Variants in MOB4 observed in about 807,000 individuals in gnomAD.
The protein encoded by MOB4 is MOB family member 4, phocein.
MOB4 carries 4 observed loss-of-function variants against 32.2 expected under a neutral mutation model. That is an observed-to-expected ratio of 0.12 (90% CI 0.06 to 0.28). The LOEUF (loss-of-function observed/expected upper bound fraction) is 0.28, where lower values mean the gene tolerates loss of function less well. Ranked by LOEUF, MOB4 falls within the 10% of genes least tolerant of loss-of-function variation. The pLI is 1.00. For synonymous variants in MOB4, 88 were observed against 88.1 expected, an observed-to-expected ratio of 1.00 and a Z score of 0.01; for missense variants, 158 against 271.2, an observed-to-expected ratio of 0.58 and a Z score of 2.93.
rs550312239 is a variant in MOB4, at chr2:197,529,184, G to A, written c.123+5498G>A. On this transcript the variant is annotated intron_variant, in intron 2 of 7. Transcript: ENST00000323303. ...GTACAGACAGGGTTTCACCATGTTG[G>A]TCAAGCTGGTCTTGAACTCTTGACT... Among the ~76,000 whole-genome samples the A allele has an allele frequency of 4.0e-5, 6 of 151,816 alleles. No individual in the cohort carries two copies. The East Asian group carries it at 1.2e-3, about 30-fold the overall frequency.
At chr2:197,518,509 G>A (rs768042819) in intron 1 of MOB4, among the ~76,000 whole-genome samples, 8 of 150,844 alleles carry the variant, frequency 5.3e-5, no homozygotes, top group Admixed American at 2.0e-4. Flanking sequence ...TGATCTGCCC[G>A]CCTGGGCCTC....
At chr2:197,529,493 A>C (rs1371715937) in intron 2 of MOB4, among the ~76,000 whole-genome samples, 1 of 151,874 alleles carries the variant, frequency 6.6e-6, no homozygotes, top group African/African-American at 2.4e-5. Context: ...CTGGGACTAC[A>C]GGTGCATGCC....
At chr2:197,533,989 C>A (rs1375734170) in intron 2 of MOB4, 2 of 521,496 alleles carry the variant, frequency 3.8e-6, no homozygotes, top group East Asian at 9.4e-5. Flanking sequence ...TGAGATGGCA[C>A]ACATACTTAA....
rs142736190 is a variant in MOB4 at position 197,534,961 on chromosome 2, T to C, written c.124-569T>C. Reference sequence around the variant, plus strand: ...TACACCAGTACAAATCTATTTCCTGTCTCAATAGATTTTCTTACTCTAGAC... The same window carrying C: ...TACACCAGTACAAATCTATTTCCTGCCTCAATAGATTTTCTTACTCTAGAC... On this transcript the variant is annotated intron_variant, in intron 2 of 7. Coordinates refer to ENST00000323303, the MANE Select transcript of MOB4 (RefSeq NM_015387.5). Among the ~76,000 whole-genome samples, 564 of 152,304 alleles carry C rather than the reference T, an allele frequency of 3.7e-3. 4 individuals are homozygous for C. Among genetic ancestry groups the C allele is most frequent in the Non-Finnish European group, 5.2e-3 (356 of 68,032 alleles).
intron 2 of MOB4, chr2:197,533,747 GT>G: frequency 1.8e-5 from 4 of 218,386 alleles, no homozygotes; most frequent in Admixed American, 5.7e-5. Flanking sequence ...AAAAAAAAAA[GT>G]ATTTGATCCC....
chr2:197,543,491 A>G (rs967610139), intron 5 of MOB4, among the ~76,000 whole-genome samples: 1 of 152,150 alleles, frequency 6.6e-6, no homozygotes, highest in Admixed American at 6.5e-5. Flanking sequence ...AAAATGTAGC[A>G]TGGACATACA....
At chr2:197,542,988 G>T (rs917500079) in intron 5 of MOB4, among the ~76,000 whole-genome samples, 1 of 150,074 alleles carries the variant, frequency 6.7e-6, no homozygotes, top group Non-Finnish European at 1.5e-5. Context: ...ATTGAAATAT[G>T]CTGTAAACAC....
chr2:197,544,194 T>C (rs1247989700), intron 5 of MOB4, among the ~76,000 whole-genome samples: 3 of 152,120 alleles, frequency 2.0e-5, no homozygotes, highest in Admixed American at 6.6e-5. Context: ...GCCTCAGCCT[T>C]CTGAGTAGCT....
chr2:197,534,086 A>T (rs949432292), intron 2 of MOB4: 1 of 298,828 alleles, frequency 3.3e-6, no homozygotes, highest in East Asian at 7.4e-5. Flanking sequence ...TATTGGAACA[A>T]TGGTTTTTCT....
intron 2 of MOB4, among the ~76,000 whole-genome samples, chr2:197,525,400 C>G (rs2086594504): frequency 6.6e-6 from 1 of 151,094 alleles, no homozygotes; most frequent in South Asian, 2.1e-4. Context: ...ATTTGAAGAT[C>G]TTAGAAAATA....
chr2:197,516,663 CCTT>C (rs755124227), intron 1 of MOB4: 5 of 471,638 alleles, frequency 1.1e-5, no homozygotes, highest in Middle Eastern at 3.2e-4. Flanking sequence ...ATATTCTCCT[CCTT>C]GTTTCCCTTT....
At chr2:197,535,933 T>C (rs1168819467) in intron 3 of MOB4, among the ~76,000 whole-genome samples, 1 of 147,096 alleles carries the variant, frequency 6.8e-6, no homozygotes, top group African/African-American at 2.5e-5. Context: ...GGGGTCTCAC[T>C]CTCTTGCCCA....
intron 1 of MOB4, among the ~76,000 whole-genome samples, chr2:197,523,004 C>T (rs1255132783): frequency 6.6e-6 from 1 of 151,582 alleles, no homozygotes; most frequent in African/African-American, 2.4e-5. Context: ...ACAGAGTGGT[C>T]TCAAAATAAT....
chr2:197,534,813 G>A (rs2086769123), intron 2 of MOB4, among the ~76,000 whole-genome samples: 6 of 152,130 alleles, frequency 3.9e-5, no homozygotes, highest in Admixed American at 3.9e-4. Flanking sequence ...AAAGTGCTGG[G>A]ATTACAGGCA....
At chr2:197,550,208 A>AT in intron 6 of MOB4, 67 bp from the exon 7 acceptor site, 1 of 1,428,048 alleles carries the variant, frequency 7.0e-7, no homozygotes, top group Non-Finnish European at 9.4e-7. Context: ...TAAGCGAGAA[A>AT]TTGGACTATA....
intron 1 of MOB4, among the ~76,000 whole-genome samples, chr2:197,521,810 C>T (rs1032932054): frequency 4.6e-5 from 7 of 152,200 alleles, no homozygotes; most frequent in African/African-American, 1.7e-4. Context: ...TGAACAATTG[C>T]TGTTATCCTG....
intron 2 of MOB4, among the ~76,000 whole-genome samples, chr2:197,533,346 A>G (rs1222290129): frequency 6.6e-6 from 1 of 152,148 alleles, no homozygotes; most frequent in Non-Finnish European, 1.5e-5. Context: ...CTCCTCAAGG[A>G]GAGAGAGAAT....
intron 3 of MOB4, among the ~76,000 whole-genome samples, chr2:197,537,247 A>C (rs1380908976): frequency 6.6e-6 from 1 of 152,234 alleles, no homozygotes; most frequent in South Asian, 2.1e-4. Context: ...GATAACATTA[A>C]AAGTAGATAT....
intron 3 of MOB4, among the ~76,000 whole-genome samples, chr2:197,535,882 C>T (rs1288437800): frequency 6.6e-6 from 1 of 151,138 alleles, no homozygotes; most frequent in Non-Finnish European, 1.5e-5. Context: ...GCCTCTGCAC[C>T]TCTCTTCTTT....
Sources: allele counts gnomAD v4.1 joint callset (sites outside exome capture counted in the v4.1 genomes callset), GRCh38; gene constraint gnomAD v4.1.1; transcripts MANE v1.5; gene names NCBI Gene and HGNC (gene_info 2026-07-23, HGNC 2026-07-21).